PVT1: variants seen among roughly 807,000 people sequenced by gnomAD.
PVT1 encodes the protein CXCR4/PVT1 fusion.
intron 2 of PVT1, among the ~76,000 whole-genome samples, chr8:127,801,924 ATTT>A: frequency 6.6e-6 from 1 of 151,366 alleles, no homozygotes; most frequent in Admixed American, 6.6e-5. Context: ...TTATTTATTT[ATTT>A]ATTTACTGAG....
chr8:127,871,015 G>C (rs1032116999), intron 2 of PVT1, among the ~76,000 whole-genome samples: 1 of 152,182 alleles, frequency 6.6e-6, no homozygotes, highest in African/African-American at 2.4e-5. Context: ...AAGTTCAGAG[G>C]GTGAAATGCT....
intron 2 of PVT1, among the ~76,000 whole-genome samples, chr8:127,838,530 C>T (rs1343369960): frequency 2.0e-5 from 3 of 152,078 alleles, no homozygotes; most frequent in Admixed American, 1.3e-4. Flanking sequence ...CATGGTGAAA[C>T]CCCGTTTCTA....
At chr8:127,969,377 G>T (rs547033485) in intron 3 of PVT1, among the ~76,000 whole-genome samples, 1 of 151,990 alleles carries the variant, frequency 6.6e-6, no homozygotes, top group Non-Finnish European at 1.5e-5. Context: ...CTCCCTGGCC[G>T]AGAGCTTTTC....
At chr8:127,993,505 G>C (rs554563507) in intron 4 of PVT1, among the ~76,000 whole-genome samples, 4 of 152,132 alleles carry the variant, frequency 2.6e-5, no homozygotes, top group Non-Finnish European at 4.4e-5. Flanking sequence ...TCCTCTCTCC[G>C]GGGGGATTTA....
chr8:128,057,613 C>T (rs867064123), intron 4 of PVT1, among the ~76,000 whole-genome samples: 2 of 152,330 alleles, frequency 1.3e-5, no homozygotes, highest in South Asian at 4.1e-4. Flanking sequence ...CTCCAAGGCA[C>T]GGTGACCTAG....
At chr8:127,929,337 A>G (rs1446611641) in intron 3 of PVT1, among the ~76,000 whole-genome samples, 5 of 151,804 alleles carry the variant, frequency 3.3e-5, no homozygotes, top group Non-Finnish European at 5.9e-5. Context: ...AAACTAGTAC[A>G]CCGTTTTGCC....
intron 4 of PVT1, among the ~76,000 whole-genome samples, chr8:128,022,195 T>C (rs1303674760): frequency 6.6e-6 from 1 of 152,194 alleles, no homozygotes; most frequent in East Asian, 1.9e-4. Flanking sequence ...TGGGTTACAA[T>C]GTGCTCTCCT....
At chr8:127,819,285 A>G (rs1013028510) in intron 2 of PVT1, among the ~76,000 whole-genome samples, 6 of 152,212 alleles carry the variant, frequency 3.9e-5, no homozygotes, top group Middle Eastern at 3.2e-3. Flanking sequence ...AAATGAGGCT[A>G]GTCACTTGAA....
At chr8:127,796,599 G>A (rs1814399272) in intron 2 of PVT1, among the ~76,000 whole-genome samples, 1 of 152,142 alleles carries the variant, frequency 6.6e-6, no homozygotes, top group African/African-American at 2.4e-5. Context: ...GCTTTGTCAA[G>A]AGATCTCCTG....
At chr8:127,806,314 A>T (rs1814526358) in intron 2 of PVT1, among the ~76,000 whole-genome samples, 1 of 152,160 alleles carries the variant, frequency 6.6e-6, no homozygotes, top group East Asian at 1.9e-4. Context: ...TACAAAAATT[A>T]GCTGGGTGTG....
At chr8:128,001,761 C>T (rs893447143) in intron 4 of PVT1, among the ~76,000 whole-genome samples, 4 of 152,156 alleles carry the variant, frequency 2.6e-5, no homozygotes, top group Non-Finnish European at 4.4e-5. Context: ...AAGATCAATG[C>T]GCTGGGAGAT....
intron 3 of PVT1, among the ~76,000 whole-genome samples, chr8:127,958,520 T>A (rs1254780160): frequency 6.6e-6 from 1 of 152,220 alleles, no homozygotes; most frequent in African/African-American, 2.4e-5. Context: ...ATTACAGGCA[T>A]GAGCCACCAT....
rs1815711540 is a variant in PVT1, at chr8:127,898,224, AG to A, written n.782+7227del. ...GAAGAAAGAAGAGAAAAGAAAGAAA[AG>A]AAAGAAAGAAAGAAAGAAACGAAGG... On this transcript the variant is annotated intron_variant and non_coding_transcript_variant, in intron 3 of 10. Coordinates refer to ENST00000651587, the Ensembl canonical transcript of PVT1. This position sits in a 1 kb window ranked among gnomAD's most constrained non-coding sequence, Gnocchi z 4.4. Among the ~76,000 whole-genome samples the A allele has an allele frequency of 7.2e-6, 1 of 138,728 alleles. No homozygotes were observed. Among genetic ancestry groups the A allele is most frequent in the African/African-American group, 3.2e-5 (1 of 31,386 alleles). 91.0% of individuals were successfully genotyped at this position (138,728 alleles called of 152,430 possible).
At chr8:128,003,625 G>T (rs369200601) in intron 4 of PVT1, among the ~76,000 whole-genome samples, 1 of 152,334 alleles carries the variant, frequency 6.6e-6, no homozygotes, top group African/African-American at 2.4e-5. Flanking sequence ...GCGCCATTGC[G>T]CCTGGCCTGT....
At chr8:127,846,980 CTTTTTTT>C (rs34437112) in intron 2 of PVT1, among the ~76,000 whole-genome samples, 1 of 62,428 alleles carries the variant, frequency 1.6e-5, no homozygotes, top group Non-Finnish European at 2.9e-5. Context: ...TGCACATGGC[CTTTTTTT>C]TTTTTTTTTT....
intron 2 of PVT1, among the ~76,000 whole-genome samples, chr8:127,833,461 ATTT>A (rs11291041): frequency 3.4e-5 from 5 of 148,392 alleles, no homozygotes; most frequent in African/African-American, 1.2e-4. Context: ...TGCTTTATGG[ATTT>A]TTTTTTTTTT....
chr8:127,952,330 G>A (rs563118297), intron 3 of PVT1, among the ~76,000 whole-genome samples: 1 of 152,314 alleles, frequency 6.6e-6, no homozygotes, highest in South Asian at 2.1e-4. Flanking sequence ...GGAGGAACCT[G>A]TTAAACTGTC....
intron 2 of PVT1, among the ~76,000 whole-genome samples, chr8:127,832,584 T>C (rs141718723): frequency 3.8e-4 from 58 of 152,168 alleles, no homozygotes; most frequent in East Asian, 3.5e-3. Context: ...CATGGCCGGG[T>C]GTGGTGGCTC....
At chr8:127,802,675 G>A (rs528272900) in intron 2 of PVT1, among the ~76,000 whole-genome samples, 36 of 152,060 alleles carry the variant, frequency 2.4e-4, no homozygotes, top group South Asian at 6.2e-4. Context: ...TCATATTTTC[G>A]CTGGATGGAA....
Sources: allele counts gnomAD v4.1 joint callset (sites outside exome capture counted in the v4.1 genomes callset), GRCh38; gene constraint gnomAD v4.1.1; non-coding constraint Gnocchi (gnomAD v3.1); transcripts MANE v1.5; gene names NCBI Gene and HGNC (gene_info 2026-07-23, HGNC 2026-07-21).